Variants in ANO10 observed in about 807,000 individuals in gnomAD.
The protein encoded by ANO10 is anoctamin-10.
Under a neutral mutation model 74.7 loss-of-function variants are expected in ANO10, and 77 were observed. The observed-to-expected ratio is 1.03, with a 90% CI of 0.86 to 1.25. ANO10 has a LOEUF of 1.25. ANO10 is among the 50% of genes most tolerant of loss of function. The pLI, the probability that ANO10 is intolerant of heterozygous loss-of-function variation, is 0.00. For missense variants in ANO10, 721 were observed against 778.1 expected, an observed-to-expected ratio of 0.93 and a Z score of 0.87; for synonymous variants, 279 against 284.9, an observed-to-expected ratio of 0.98 and a Z score of 0.21.
intron 12 of ANO10, among the ~76,000 whole-genome samples, chr3:43,386,997 G>C (rs367677179): frequency 1.3e-5 from 2 of 152,132 alleles, no homozygotes; most frequent in East Asian, 3.9e-4. Context: ...TCTAGGAACC[G>C]TCATACAGTC....
chr3:43,573,340 C>T (rs1302797176), intron 7 of ANO10, among the ~76,000 whole-genome samples: 1 of 152,120 alleles, frequency 6.6e-6, no homozygotes, highest in Non-Finnish European at 1.5e-5. Context: ...TCTCTTATGA[C>T]AGCTTTTCAT....
At chr3:43,634,857 T>C (rs990009616) in intron 1 of ANO10, among the ~76,000 whole-genome samples, 2 of 152,024 alleles carry the variant, frequency 1.3e-5, no homozygotes, top group African/African-American at 2.4e-5. Flanking sequence ...CGTGAGAGGA[T>C]TGATGGCAGA....
intron 11 of ANO10, among the ~76,000 whole-genome samples, chr3:43,496,588 A>G (rs774664805): frequency 2.6e-5 from 4 of 152,122 alleles, no homozygotes; most frequent in African/African-American, 9.6e-5. Flanking sequence ...GGCACACCAC[A>G]ATACCCTGCT....
chr3:43,465,335 T>C (rs975002021), intron 11 of ANO10, among the ~76,000 whole-genome samples: 8 of 152,226 alleles, frequency 5.3e-5, no homozygotes, highest in African/African-American at 1.9e-4. Flanking sequence ...CCATGTGGTA[T>C]AGCCCATTGC....
intron 9 of ANO10, among the ~76,000 whole-genome samples, chr3:43,558,508 C>A (rs2079871829): frequency 6.6e-6 from 1 of 152,122 alleles, no homozygotes; most frequent in Non-Finnish European, 1.5e-5. Context: ...CAGAGAATTT[C>A]TTTTTATATA....
At chr3:43,526,948 CATAT>C (rs2149235477) in intron 11 of ANO10, among the ~76,000 whole-genome samples, 1 of 151,956 alleles carries the variant, frequency 6.6e-6, no homozygotes, top group South Asian at 2.1e-4. Flanking sequence ...TACACACATA[CATAT>C]GTGTGTGTAT....
At chr3:43,544,213 A>C (rs569992009) in intron 11 of ANO10, among the ~76,000 whole-genome samples, 2 of 152,148 alleles carry the variant, frequency 1.3e-5, no homozygotes, top group African/African-American at 4.8e-5. Flanking sequence ...TAATCTTGAG[A>C]GCTGAACTTT....
chr3:43,562,729 A>G (rs2149350889), intron 8 of ANO10, among the ~76,000 whole-genome samples: 1 of 152,192 alleles, frequency 6.6e-6, no homozygotes, highest in African/African-American at 2.4e-5. Context: ...CCTCTTCAAT[A>G]AATGGTGCTG....
intron 11 of ANO10, among the ~76,000 whole-genome samples, chr3:43,469,302 T>C (rs1012785646): frequency 4.6e-5 from 7 of 152,172 alleles, no homozygotes; most frequent in African/African-American, 1.4e-4. Flanking sequence ...CACCTTGGCC[T>C]CCCAAACTGC....
intron 11 of ANO10, among the ~76,000 whole-genome samples, chr3:43,466,286 G>A (rs1463218903): frequency 4.7e-5 from 7 of 148,004 alleles, no homozygotes; most frequent in African/African-American, 1.5e-4. Context: ...CAGGGGAATC[G>A]CTTGAACCCG....
intron 12 of ANO10, among the ~76,000 whole-genome samples, chr3:43,401,577 G>C (rs1266447829): frequency 3.9e-5 from 6 of 152,060 alleles, no homozygotes; most frequent in Non-Finnish European, 8.8e-5. Flanking sequence ...GGTTCAATTT[G>C]TTTCAGGCAA....
chr3:43,518,036 A>T (rs181652890), intron 11 of ANO10, among the ~76,000 whole-genome samples: 29 of 152,286 alleles, frequency 1.9e-4, no homozygotes. Context: ...TAAGCACATA[A>T]CTCAAAGGCA....
chr3:43,377,352 C>G (rs1184640032), intron 12 of ANO10, among the ~76,000 whole-genome samples: 1 of 152,218 alleles, frequency 6.6e-6, no homozygotes, highest in Non-Finnish European at 1.5e-5. Context: ...TTCCAAAGCA[C>G]TGGGATTACA....
chr3:43,559,435 T>C (rs948636251), intron 9 of ANO10, among the ~76,000 whole-genome samples: 1 of 152,026 alleles, frequency 6.6e-6, no homozygotes. Context: ...GAAAGAGAAG[T>C]AGGAAACTAA....
intron 11 of ANO10, among the ~76,000 whole-genome samples, chr3:43,513,822 T>C (rs187668662): frequency 5.9e-5 from 9 of 151,960 alleles, no homozygotes; most frequent in African/African-American, 1.2e-4. Flanking sequence ...CACACTTCTA[T>C]GATTTAAAAG....
At chr3:43,404,487 T>C (rs1488870888) in intron 12 of ANO10, among the ~76,000 whole-genome samples, 4 of 152,160 alleles carry the variant, frequency 2.6e-5, no homozygotes, top group African/African-American at 9.7e-5. Context: ...GGGACCCAGT[T>C]AAGCTGTGTT....
chr3:43,656,428 ACTC>A (rs1357293611), intron 1 of ANO10, among the ~76,000 whole-genome samples: 1 of 151,836 alleles, frequency 6.6e-6, no homozygotes, highest in Non-Finnish European at 1.5e-5. Context: ...GTGCGCTCGC[ACTC>A]CTCAGCCCTT....
intron 1 of ANO10, among the ~76,000 whole-genome samples, chr3:43,621,564 C>A (rs1182312216): frequency 2.0e-5 from 3 of 152,148 alleles, no homozygotes; most frequent in African/African-American, 7.2e-5. Flanking sequence ...AGGCCCCCAA[C>A]ATCCTCCATC....
intron 12 of ANO10, among the ~76,000 whole-genome samples, chr3:43,418,389 G>T (rs1444077964): frequency 6.6e-6 from 1 of 152,208 alleles, no homozygotes; most frequent in African/African-American, 2.4e-5. Context: ...AGAGAACATG[G>T]GACTTTAGGG....
Sources: gnomAD v4.1 joint callset for allele counts (sites outside exome capture counted in the v4.1 genomes callset) on GRCh38, gnomAD v4.1.1 for gene constraint, MANE v1.5 for transcripts, NCBI Gene and HGNC (gene_info 2026-07-23, HGNC 2026-07-21) for gene names.